Variants in SLC41A3 observed in about 807,000 individuals in gnomAD.
The protein encoded by SLC41A3 is solute carrier family 41 member 3.
Under a neutral mutation model 45.4 loss-of-function variants are expected in SLC41A3, and 44 were observed. That is an observed-to-expected ratio of 0.97 (90% CI 0.76 to 1.25). The LOEUF is 1.25. Ranked by LOEUF, SLC41A3 falls within the 50% of genes most tolerant of loss-of-function variation. The pLI is 0.00. For synonymous variants in SLC41A3, 256 were observed against 252.4 expected (o/e 1.01, Z -0.13); for missense variants, 550 against 600.6 (o/e 0.92, Z 0.88).
At chr3:126,044,018 C>CA (rs1265400561) in intron 3 of SLC41A3, among the ~76,000 whole-genome samples, 1 of 151,990 alleles carries the variant, frequency 6.6e-6, no homozygotes, top group Middle Eastern at 3.4e-3. Flanking sequence ...CAAAACAAAA[C>CA]AAAAAACAGG....
intron 8 of SLC41A3, 47 bp from the exon 9 acceptor site, chr3:126,012,796 C>CT: frequency 6.2e-7 from 1 of 1,609,484 alleles, no homozygotes; most frequent in Non-Finnish European, 8.5e-7. Context: ...ACGCCAGTCT[C>CT]TAAGTTGTAT....
chr3:126,011,749 A>G (rs974555164), intron 9 of SLC41A3, among the ~76,000 whole-genome samples: 1 of 152,254 alleles, frequency 6.6e-6, no homozygotes, highest in Non-Finnish European at 1.5e-5. Context: ...ATCATAAGTC[A>G]TGGAATCAGA....
chr3:126,046,704 G>A (rs112622958), intron 3 of SLC41A3, among the ~76,000 whole-genome samples: 1 of 152,192 alleles, frequency 6.6e-6, no homozygotes, highest in Non-Finnish European at 1.5e-5. Flanking sequence ...GCTCATGCCT[G>A]TAATCCCAGC....
At chr3:126,053,448 C>A (rs1418839310) in intron 2 of SLC41A3, among the ~76,000 whole-genome samples, 1 of 152,166 alleles carries the variant, frequency 6.6e-6, no homozygotes, top group Non-Finnish European at 1.5e-5. Flanking sequence ...GCAGTCCTAG[C>A]AAACTAATAC....
intron 1 of SLC41A3, among the ~76,000 whole-genome samples, chr3:126,090,028 C>CTTTTTTTTTTTTTTTTTTTTT (rs59737864): frequency 2.0e-5 from 2 of 99,336 alleles, no homozygotes; most frequent in African/African-American, 3.8e-5. Flanking sequence ...TCAAGAAAAT[C>CTTTTTTTTTTTTTTTTTTTTT]TTTTTTTTTT....
intron 3 of SLC41A3, among the ~76,000 whole-genome samples, chr3:126,039,873 C>T (rs553523788): frequency 9.5e-4 from 144 of 152,324 alleles, no homozygotes; most frequent in African/African-American, 3.0e-3. Context: ...TACATACATA[C>T]GTTTCCTAGT....
chr3:126,082,283 G>A (rs1270716121), intron 1 of SLC41A3, among the ~76,000 whole-genome samples: 1 of 152,220 alleles, frequency 6.6e-6, no homozygotes, highest in Non-Finnish European at 1.5e-5. Context: ...GAGCCCCAGG[G>A]AGGAGCCAAG....
chr3:126,092,438 G>C (rs1006646011), intron 1 of SLC41A3: 2 of 152,230 alleles, frequency 1.3e-5, no homozygotes, highest in African/African-American at 4.8e-5. Flanking sequence ...GCTAATGACT[G>C]GCTTGCTGCT....
intron 2 of SLC41A3, among the ~76,000 whole-genome samples, chr3:126,053,352 T>G (rs12630605): frequency 0.24 from 35,967 of 152,090 alleles, 4,613 homozygotes; most frequent in Non-Finnish European, 0.28. Flanking sequence ...TGCCAACACT[T>G]TCATCTCAGA....
At chr3:126,077,049 ATG>A (rs1194088842) in intron 1 of SLC41A3, among the ~76,000 whole-genome samples, 1 of 152,170 alleles carries the variant, frequency 6.6e-6, no homozygotes, top group Non-Finnish European at 1.5e-5. Flanking sequence ...CAAAAGTGAC[ATG>A]TGTTAATAAA....
Position 126,015,496 on chromosome 3 carries a change from C to T in SLC41A3, c.968G>A (p.Cys323Tyr), listed in dbSNP as rs767428076. ...KGMAIFTPVI[C>Y]GVGGNLVAIQ... ...ATGGGAACCCTTCAAATACGTACCA[C>T]ATATGACGGGGGTAAATATCGCCAT... Residue 323 changes from cysteine to tyrosine, a missense_variant and splice_region_variant, in exon 8 of 11, where the codon TGT (cysteine) becomes TAT (tyrosine). Cys to Tyr is a radical substitution (Grantham distance 194). Coordinates refer to ENST00000360370, the MANE Select transcript of SLC41A3 (RefSeq NM_017836.4). 27 of 1,614,074 alleles carry T rather than the reference C, an allele frequency of 1.7e-5. No homozygotes were observed. Among genetic ancestry groups the T allele is most frequent in the Admixed American group, 8.3e-5 (5 of 60,002 alleles).
chr3:126,050,768 G>C (rs1337732072), intron 3 of SLC41A3, 175 bp downstream of exon 3: 1 of 1,185,514 alleles, frequency 8.4e-7, no homozygotes, highest in East Asian at 2.9e-5. Flanking sequence ...GTAGTGGAAA[G>C]CCAAGGCATT....
chr3:126,093,545 G>A (rs969701055), intron 1 of SLC41A3, among the ~76,000 whole-genome samples: 6 of 152,264 alleles, frequency 3.9e-5, no homozygotes, highest in African/African-American at 1.4e-4. Context: ...CCCAACAGGA[G>A]TCTGTGGACC....
chr3:126,056,406 C>A, intron 2 of SLC41A3: 1 of 1,614,206 alleles, frequency 6.2e-7, no homozygotes, highest in Non-Finnish European at 8.5e-7. Context: ...ACAAGCCGGA[C>A]AGCAGAATGG....
intron 2 of SLC41A3, chr3:126,057,047 G>C: frequency 3.0e-6 from 3 of 998,130 alleles, no homozygotes; most frequent in Non-Finnish European, 3.6e-6. Context: ...GTGCTGGGCT[G>C]TTCCCCTCCT....
chr3:126,071,858 C>A (rs1364916672), intron 1 of SLC41A3, among the ~76,000 whole-genome samples: 1 of 151,384 alleles, frequency 6.6e-6, no homozygotes, highest in South Asian at 2.1e-4. Context: ...GCAGCTTAGA[C>A]CTCTGGGGCT....
At chr3:126,086,522 G>A (rs1045397966), upstream of SLC41A3, among the ~76,000 whole-genome samples, 4 of 64,712 alleles carry the variant, frequency 6.2e-5, no homozygotes, top group African/African-American at 2.2e-4. Flanking sequence ...GTGTGTGTGT[G>A]TGTGTGTGTG....
At chr3:126,053,387 A>G (rs4679201) in intron 2 of SLC41A3, among the ~76,000 whole-genome samples, 52,844 of 152,044 alleles carry the variant, frequency 0.35, 9,488 homozygotes, top group East Asian at 0.52. Flanking sequence ...AACTGCGGAA[A>G]AAAATCAGTT....
chr3:126,050,015 T>G (rs1240140720), intron 3 of SLC41A3, among the ~76,000 whole-genome samples: 1 of 152,142 alleles, frequency 6.6e-6, no homozygotes, highest in Non-Finnish European at 1.5e-5. Context: ...TTCCTCTCTA[T>G]AAGGACCCCT....
Sources: gnomAD v4.1 joint callset for allele counts (sites outside exome capture counted in the v4.1 genomes callset) on GRCh38, gnomAD v4.1.1 for gene constraint, MANE v1.5 for transcripts, NCBI Gene and HGNC (gene_info 2026-07-23, HGNC 2026-07-21) for gene names.